IFT56: variants seen among roughly 807,000 people sequenced by gnomAD.
IFT56 encodes the protein intraflagellar transport 56.
chr7:139,142,073 G>GT, the IFT56 span, among the ~76,000 whole-genome samples: 2 of 152,326 alleles, frequency 1.3e-5, no homozygotes, highest in East Asian at 3.9e-4. Context: ...TTCTCTTCTA[G>GT]TTCTTGATGC....
chr7:139,177,888 C>A, the IFT56 span, among the ~76,000 whole-genome samples: 1 of 151,934 alleles, frequency 6.6e-6, no homozygotes, highest in African/African-American at 2.4e-5. Context: ...GAGACCAGGC[C>A]ACACTAATTG....
chr7:139,133,970 T>TC, the IFT56 span: 2 of 1,308,584 alleles, frequency 1.5e-6, no homozygotes, highest in South Asian at 2.4e-5. Context: ...CAGAGAGTAA[T>TC]CCCCAGCTCT....
At chr7:139,146,929 C>T in the IFT56 span, 1 of 1,406,926 alleles carries the variant, frequency 7.1e-7, no homozygotes, top group South Asian at 1.2e-5. Flanking sequence ...TAAGGGCTTT[C>T]CATTGTCGTT....
the IFT56 span, among the ~76,000 whole-genome samples, chr7:139,184,402 C>T: frequency 6.6e-6 from 1 of 152,132 alleles, no homozygotes; most frequent in South Asian, 2.1e-4. Context: ...CTTGAATTAA[C>T]AGGGAATAAC....
the IFT56 span, among the ~76,000 whole-genome samples, chr7:139,183,401 CA>C: frequency 1.3e-5 from 2 of 151,948 alleles, no homozygotes; most frequent in East Asian, 1.9e-4. Flanking sequence ...CTAGAGAAGC[CA>C]AATACAGGTT....
chr7:139,186,451 T>G, the IFT56 span, among the ~76,000 whole-genome samples: 2 of 151,966 alleles, frequency 1.3e-5, no homozygotes, highest in Non-Finnish European at 2.9e-5. Flanking sequence ...AATAAAAATT[T>G]TTTTTAAATA....
the IFT56 span, chr7:139,134,597 TCA>T: frequency 1.6e-5 from 24 of 1,522,464 alleles, no homozygotes; most frequent in African/African-American, 2.9e-4. Flanking sequence ...GCTGTCACTC[TCA>T]GTTTAAATCT....
the IFT56 span, chr7:139,147,343 C>T: frequency 8.8e-6 from 13 of 1,480,286 alleles, no homozygotes; most frequent in Non-Finnish European, 1.1e-5. Context: ...TTAGTTTCTT[C>T]TTTAACTAGT....
At chr7:139,170,625 G>T in the IFT56 span, among the ~76,000 whole-genome samples, 2 of 152,194 alleles carry the variant, frequency 1.3e-5, no homozygotes, top group Admixed American at 1.3e-4. Flanking sequence ...AATTGATGCT[G>T]GAAAAGCATT....
At chr7:139,151,151 A>C in the IFT56 span, among the ~76,000 whole-genome samples, 1 of 152,234 alleles carries the variant, frequency 6.6e-6, no homozygotes, top group Admixed American at 6.5e-5. Flanking sequence ...ACAAAAGGTC[A>C]GTAGAAATGA....
the IFT56 span, among the ~76,000 whole-genome samples, chr7:139,144,362 G>T: frequency 2.0e-5 from 3 of 151,958 alleles, no homozygotes; most frequent in African/African-American, 7.2e-5. Context: ...CAGTCTAATT[G>T]TTGCTCCTAT....
At chr7:139,180,066 G>A in the IFT56 span, among the ~76,000 whole-genome samples, 2 of 152,198 alleles carry the variant, frequency 1.3e-5, no homozygotes, top group Non-Finnish European at 2.9e-5. Context: ...GGCCGGGCGC[G>A]GTGGCTCATG....
At chr7:139,139,914 G>A in the IFT56 span, 2 of 1,611,910 alleles carry the variant, frequency 1.2e-6, no homozygotes, top group African/African-American at 1.3e-5. Flanking sequence ...TACAAAAGAG[G>A]AAAATTGTAA....
the IFT56 span, among the ~76,000 whole-genome samples, chr7:139,188,913 G>T: frequency 5.3e-5 from 8 of 152,168 alleles, no homozygotes; most frequent in African/African-American, 1.9e-4. Context: ...AAACAAGGGA[G>T]AAATCCATGA....
At chr7:139,187,924 A>T in the IFT56 span, among the ~76,000 whole-genome samples, 2 of 145,774 alleles carry the variant, frequency 1.4e-5, no homozygotes, top group Admixed American at 1.4e-4. Flanking sequence ...TTTTTTGCCT[A>T]TTGGCTTTTT....
the IFT56 span, among the ~76,000 whole-genome samples, chr7:139,144,795 T>A: frequency 1.3e-5 from 2 of 152,240 alleles, no homozygotes; most frequent in East Asian, 3.9e-4. Context: ...TTATTACTTT[T>A]TAAATTTCTA....
chr7:139,143,176 G>A, the IFT56 span, among the ~76,000 whole-genome samples: 1 of 151,986 alleles, frequency 6.6e-6, no homozygotes, highest in Non-Finnish European at 1.5e-5. Flanking sequence ...CATACCTACT[G>A]GGTATGAGCA....
the IFT56 span, among the ~76,000 whole-genome samples, chr7:139,178,914 C>T: frequency 1.3e-5 from 2 of 151,904 alleles, no homozygotes; most frequent in African/African-American, 4.8e-5. Flanking sequence ...AAAAAAATTA[C>T]AATGTGAATA....
chr7:139,173,375 C>G, the IFT56 span: 29 of 501,114 alleles, frequency 5.8e-5, no homozygotes, highest in African/African-American at 4.9e-4. Flanking sequence ...ATTACAGGCT[C>G]CTGCCACCAT....
Sources: gnomAD v4.1 joint callset for allele counts (sites outside exome capture counted in the v4.1 genomes callset) on GRCh38, gnomAD v4.1.1 for gene constraint, MANE v1.5 for transcripts, NCBI Gene and HGNC (gene_info 2026-07-23, HGNC 2026-07-21) for gene names.